Variants in SVOP observed in about 807,000 individuals in gnomAD.
SVOP encodes the protein synaptic vesicle 2-related protein.
In SVOP, 17 loss-of-function variants were observed where a neutral mutation model predicts 69.1. That is an observed-to-expected ratio of 0.25 (90% CI 0.17 to 0.37). The LOEUF is 0.37. Among genes scored for constraint, SVOP ranks in the 10% least tolerant of loss-of-function variants. SVOP has a pLI of 1.00. For synonymous variants in SVOP, 238 were observed against 238.6 expected, an observed-to-expected ratio of 1.00 and a Z score of 0.02; for missense variants, 435 against 597.5, an observed-to-expected ratio of 0.73 and a Z score of 2.84.
At chr12:109,004,410 C>CTT (rs34124314) in intron 1 of SVOP, among the ~76,000 whole-genome samples, 35 of 120,400 alleles carry the variant, frequency 2.9e-4, no homozygotes, top group African/African-American at 6.1e-4. Flanking sequence ...GGTATTGCTA[C>CTT]TTTTTTTTTT....
At chr12:108,974,617 G>A (rs1409666781) in intron 4 of SVOP, among the ~76,000 whole-genome samples, 3 of 152,056 alleles carry the variant, frequency 2.0e-5, no homozygotes, top group Non-Finnish European at 2.9e-5. Flanking sequence ...TTTGGTCCCA[G>A]CTGCTCAGGA....
intron 8 of SVOP, 143 bp from the exon 9 acceptor site, chr12:108,939,098 C>G: frequency 8.7e-7 from 1 of 1,151,492 alleles, no homozygotes; most frequent in East Asian, 2.5e-5. Context: ...CCTGGCCCCA[C>G]CATTTATTAT....
At position 108,968,991 on chromosome 12, in the gene SVOP, G is replaced by A. The variant is rs1241397175; in HGVS notation, c.453+3414C>T. ...GTAGTTTTTGTAGAGATGGGGTTTC[G>A]CCATGTTGCCTAGGCTGGTCTCTAA... On this transcript the variant is annotated intron_variant, in intron 5 of 15. Transcript: ENST00000610966. Among the ~76,000 whole-genome samples, 8 of 151,976 alleles carry A rather than the reference G, an allele frequency of 5.3e-5. 1 individual carries two copies.
chr12:108,937,206 C>T, intron 10 of SVOP, 58 bp downstream of exon 10: 1 of 1,588,568 alleles, frequency 6.3e-7, no homozygotes, highest in Non-Finnish European at 8.6e-7. Context: ...TAAAACAAAA[C>T]CCAAAACAGG....
rs754375816 is a variant in SVOP at position 108,995,738 on chromosome 12, T to A, written c.36-11977A>T. Among the ~76,000 whole-genome samples the A allele has an allele frequency of 1.1e-4, 16 of 151,756 alleles. No homozygotes were observed. In the East Asian group the frequency reaches 2.9e-3, roughly 28 times the overall value. On this transcript the variant is annotated intron_variant, in intron 1 of 15. Transcript: ENST00000610966. ...CAACATGGTGAAACCCTGTCTCTAC[T>A]GAAAATACAAAAATTAGCCGGGCGT... is the stretch of plus-strand genomic sequence containing the variant.
intron 11 of SVOP, among the ~76,000 whole-genome samples, chr12:108,932,401 C>T (rs2039826470): frequency 6.6e-6 from 1 of 152,104 alleles, no homozygotes; most frequent in Non-Finnish European, 1.5e-5. Flanking sequence ...GATCACACCA[C>T]TGCTCTCCAG....
At position 108,915,990 on chromosome 12, in the gene SVOP, G is replaced by C. The variant is rs1275201197; in HGVS notation, c.1351-118C>G. 9 of 937,008 alleles carry C rather than the reference G, an allele frequency of 9.6e-6. No homozygotes were observed. In the Admixed American group the frequency reaches 2.8e-4, roughly 29 times the overall value. 58.0% of individuals were successfully genotyped at this position (937,008 alleles called of 1,614,324 possible). On this transcript the variant is annotated intron_variant, in intron 14 of 15. Coordinates refer to ENST00000610966, the MANE Select transcript of SVOP (RefSeq NM_018711.5). ...CCGGAAGTCAGGGCAAATCCCTCCA[G>C]TGCTGGTGACGCCCTTAAGGGACAG...
In SVOP at chr12:108,934,150, A is replaced by T. The variant is rs768872076; in HGVS notation, c.1048+45T>A. Reference sequence around the variant, plus strand: ...TGTGTGCATGACTGTGTATGTGCCGAGGGTGTGGGAGTAGTTAGCTGGCAA... The same window carrying T: ...TGTGTGCATGACTGTGTATGTGCCGTGGGTGTGGGAGTAGTTAGCTGGCAA... On this transcript the variant is annotated intron_variant, in intron 11 of 15. Transcript: ENST00000610966. 4.6e-6 allele frequency: 7 copies of T among 1,526,502 alleles called. No individual in the cohort carries two copies. In the South Asian group the frequency reaches 8.3e-5, roughly 18 times the overall value. 94.6% of individuals were successfully genotyped at this position (1,526,502 alleles called of 1,614,324 possible). A position where few individuals can be genotyped will look rare whatever the true frequency, so the allele number is the denominator to read the frequency against.
chr12:108,935,883 G>C (rs931548325), intron 10 of SVOP, among the ~76,000 whole-genome samples: 4 of 152,082 alleles, frequency 2.6e-5, no homozygotes, highest in African/African-American at 9.7e-5. Flanking sequence ...TTAAGAAAAA[G>C]TCCAACAGGA....
chr12:108,996,335 A>G (rs1276847449), intron 1 of SVOP, among the ~76,000 whole-genome samples: 2 of 152,148 alleles, frequency 1.3e-5, no homozygotes, highest in South Asian at 2.1e-4. Flanking sequence ...AGATGAACAT[A>G]TTACTTGAGG....
At chr12:108,936,052 A>ACACACACACACACACACG (rs2039854612) in intron 10 of SVOP, among the ~76,000 whole-genome samples, 1 of 151,686 alleles carries the variant, frequency 6.6e-6, no homozygotes, top group Non-Finnish European at 1.5e-5. Flanking sequence ...ACACACACAC[A>ACACACACACACACACACG]CATGTATTTT....
intron 12 of SVOP, among the ~76,000 whole-genome samples, chr12:108,920,436 C>T (rs2039741145): frequency 6.6e-6 from 1 of 152,090 alleles, no homozygotes; most frequent in Admixed American, 6.5e-5. Context: ...TTTAACTTGC[C>T]ATGTGGTCTT....
At chr12:108,961,127 ATAATGGGGTCACAT>A in intron 5 of SVOP, 80 bp from the exon 6 acceptor site, 1 of 1,455,396 alleles carries the variant, frequency 6.9e-7, no homozygotes, top group South Asian at 1.4e-5. Flanking sequence ...AGAGCCGCCG[ATAATGGGGTCACAT>A]TAAAGGGAGC....
chr12:109,011,710 C>T (rs895801977), intron 1 of SVOP, among the ~76,000 whole-genome samples: 2 of 152,114 alleles, frequency 1.3e-5, no homozygotes, highest in African/African-American at 4.8e-5. Flanking sequence ...CCTAAGTGTC[C>T]ATCAAGAGAT....
chr12:108,914,462 G>A (rs766892306), intron 15 of SVOP, among the ~76,000 whole-genome samples: 3 of 152,182 alleles, frequency 2.0e-5, no homozygotes, highest in African/African-American at 4.8e-5. Flanking sequence ...CATGACACAC[G>A]AAGAGTTGCA....
At chr12:108,984,428 C>G (rs1043039525) in intron 1 of SVOP, among the ~76,000 whole-genome samples, 49,230 of 152,054 alleles carry the variant, frequency 0.32, 8,428 homozygotes, top group African/African-American at 0.42. Context: ...TGGAATTGTG[C>G]TAGGTCTGGG....
At chr12:109,017,860 A>C (rs575532510) in intron 1 of SVOP, among the ~76,000 whole-genome samples, 1 of 152,010 alleles carries the variant, frequency 6.6e-6, no homozygotes, top group East Asian at 1.9e-4. Flanking sequence ...TTTCTATTGT[A>C]TATTATATAT....
intron 5 of SVOP, among the ~76,000 whole-genome samples, chr12:108,970,336 G>A (rs761646354): frequency 3.9e-4 from 59 of 152,330 alleles, no homozygotes; most frequent in Non-Finnish European, 7.5e-4. Context: ...CACTCTCCGT[G>A]CCTCAGTTTC....
intron 15 of SVOP, among the ~76,000 whole-genome samples, chr12:108,915,280 C>A (rs938382502): frequency 5.3e-5 from 8 of 151,974 alleles, no homozygotes; most frequent in Admixed American, 1.3e-4. Context: ...CAAATGACCC[C>A]ATCCCCAGGT....
Sources: allele counts gnomAD v4.1 joint callset (sites outside exome capture counted in the v4.1 genomes callset), GRCh38; gene constraint gnomAD v4.1.1; transcripts MANE v1.5; gene names NCBI Gene and HGNC (gene_info 2026-07-23, HGNC 2026-07-21).